SCAPER: variants seen among roughly 807,000 people sequenced by gnomAD.
The protein encoded by SCAPER is S-phase cyclin A associated protein in the ER.
A neutral mutation model predicts 182.2 loss-of-function variants in SCAPER; 98 were observed. The ratio of observed to expected loss-of-function variants is 0.54; its 90% CI spans 0.46 to 0.64. The LOEUF is 0.64. SCAPER is among the 30% of genes least tolerant of loss of function. The pLI is 0.00. For synonymous variants in SCAPER, 605 were observed against 564.6 expected (o/e 1.07, Z -1.01); for missense variants, 1,432 against 1,690.0 (o/e 0.85, Z 2.68).
At position 76,844,271 on chromosome 15, in the gene SCAPER, G is replaced by GAA. The variant is rs34092470; in HGVS notation, c.196-2342_196-2341dup. Among the ~76,000 whole-genome samples the GAA allele has an allele frequency of 2.4e-3, 305 of 125,304 alleles. 2 individuals are homozygous for GAA. The highest frequency in any genetic ancestry group is 8.0e-3 in the African/African-American group (256 of 31,976). The allele number at this position is 125,304 out of a possible 152,430, so 82.2% of individuals were successfully genotyped here. The stretch of plus-strand genomic sequence containing the variant: ...ATTTGAGAGACAAAGACAGAAAGAG[G>GAA]AAAAAAAAAAAAAAAAAGGCAGGCC... On this transcript the variant is annotated intron_variant, in intron 4 of 31. Transcript: ENST00000563290.
At chr15:76,532,666 T>C (rs72738839) in intron 23 of SCAPER, among the ~76,000 whole-genome samples, 19,904 of 152,252 alleles carry the variant, frequency 0.13, 1,632 homozygotes, top group Middle Eastern at 0.22. Context: ...AAATTCATCA[T>C]AAATTTTCTG....
chr15:76,361,069 G>A (rs1034594943), intron 29 of SCAPER, among the ~76,000 whole-genome samples: 6 of 149,854 alleles, frequency 4.0e-5, no homozygotes, highest in African/African-American at 1.5e-4. Context: ...GAGTGATCAC[G>A]AATCTGGATT....
chr15:76,624,496 T>C (rs1244253540), intron 21 of SCAPER, among the ~76,000 whole-genome samples: 2 of 152,248 alleles, frequency 1.3e-5, no homozygotes, highest in Non-Finnish European at 2.9e-5. Flanking sequence ...GCAGATTCAA[T>C]GCTATTCCTA....
At chr15:76,443,404 T>A (rs183762196) in intron 25 of SCAPER, among the ~76,000 whole-genome samples, 1 of 152,210 alleles carries the variant, frequency 6.6e-6, no homozygotes, top group Non-Finnish European at 1.5e-5. Context: ...AAACATCAAA[T>A]TTATGGTGAA....
intron 17 of SCAPER, among the ~76,000 whole-genome samples, chr15:76,712,982 A>C (rs1434683751): frequency 6.6e-6 from 1 of 152,154 alleles, no homozygotes; most frequent in African/African-American, 2.4e-5. Flanking sequence ...TATGTTGAAT[A>C]GGAGTGGTGA....
chr15:76,670,718 T>C (rs1042116602), intron 20 of SCAPER, among the ~76,000 whole-genome samples: 3 of 152,230 alleles, frequency 2.0e-5, no homozygotes, highest in African/African-American at 7.2e-5. Context: ...TTGGTATTAG[T>C]ATGCTTGACC....
Position 76,452,942 on chromosome 15 carries a change from T to C in SCAPER, c.3078+18270A>G, listed in dbSNP as rs183103727. On this transcript the variant is annotated intron_variant, in intron 25 of 31. Coordinates refer to ENST00000563290, the MANE Select transcript of SCAPER (RefSeq NM_020843.4). The stretch of plus-strand genomic sequence containing the variant: ...ATCTCTTGGGCCCAAGTGATCCTTC[T>C]ACTTCAGCCCAGTGAGTGGCTGGGA... Among the ~76,000 whole-genome samples the C allele has an allele frequency of 5.9e-3, 901 of 152,256 alleles. 7 individuals carry two copies. The highest frequency in any genetic ancestry group is 8.7e-3 in the Non-Finnish European group (595 of 68,010).
intron 23 of SCAPER, among the ~76,000 whole-genome samples, chr15:76,561,167 C>T (rs144643402): frequency 5.3e-5 from 8 of 152,322 alleles, no homozygotes; most frequent in African/African-American, 9.6e-5. Flanking sequence ...TGATGGAATA[C>T]TATCAGGCTG....
At chr15:76,720,283 A>G (rs1265471350) in intron 17 of SCAPER, among the ~76,000 whole-genome samples, 2 of 152,072 alleles carry the variant, frequency 1.3e-5, no homozygotes, top group Non-Finnish European at 2.9e-5. Flanking sequence ...GCTGCATAGT[A>G]TTCCATGGTG....
At chr15:76,775,878 G>A (rs1798492068) in intron 8 of SCAPER, among the ~76,000 whole-genome samples, 2 of 152,076 alleles carry the variant, frequency 1.3e-5, no homozygotes, top group Non-Finnish European at 2.9e-5. Flanking sequence ...TCTAAAATAT[G>A]ACAATGTTGA....
At chr15:76,804,298 A>G (rs182461523) in intron 6 of SCAPER, among the ~76,000 whole-genome samples, 7 of 152,350 alleles carry the variant, frequency 4.6e-5, no homozygotes, top group African/African-American at 1.4e-4. Flanking sequence ...TGAGTGGTAA[A>G]TGTGTCACAT....
chr15:76,692,727 AAAGG>A (rs2058437427), intron 20 of SCAPER, among the ~76,000 whole-genome samples: 1 of 150,664 alleles, frequency 6.6e-6, no homozygotes, highest in Non-Finnish European at 1.5e-5. Flanking sequence ...AAGGAAAAGG[AAAGG>A]AAAGGAAAGG....
At chr15:76,650,451 G>A (rs1423152611) in intron 21 of SCAPER, among the ~76,000 whole-genome samples, 1 of 151,758 alleles carries the variant, frequency 6.6e-6, no homozygotes, top group Non-Finnish European at 1.5e-5. Flanking sequence ...ATGGGAAAGG[G>A]AACAATTTGT....
intron 18 of SCAPER, 65 bp from the exon 19 acceptor site, chr15:76,703,067 A>T: frequency 6.8e-7 from 1 of 1,468,948 alleles, no homozygotes; most frequent in Non-Finnish European, 9.1e-7. Context: ...AAATTGGAAA[A>T]ATAATATTTC....
intron 22 of SCAPER, among the ~76,000 whole-genome samples, chr15:76,601,868 T>A (rs1465334146): frequency 8.2e-6 from 1 of 121,628 alleles, no homozygotes; most frequent in East Asian, 2.2e-4. Flanking sequence ...CCTTGGTATA[T>A]GTGTGAGATT....
At chr15:76,872,662 C>CTACAT (rs2072810728) in intron 2 of SCAPER, among the ~76,000 whole-genome samples, 1 of 151,108 alleles carries the variant, frequency 6.6e-6, no homozygotes, top group South Asian at 2.1e-4. Flanking sequence ...TACTATTATA[C>CTACAT]TACATTATGT....
At chr15:76,721,620 TCTC>T (rs1341950104) in intron 17 of SCAPER, among the ~76,000 whole-genome samples, 2 of 152,032 alleles carry the variant, frequency 1.3e-5, no homozygotes, top group Non-Finnish European at 2.9e-5. Context: ...GGTTTGTAGT[TCTC>T]CTTGAAGAGG....
chr15:76,499,546 T>C (rs2040906746), intron 24 of SCAPER, among the ~76,000 whole-genome samples: 1 of 152,226 alleles, frequency 6.6e-6, no homozygotes, highest in African/African-American at 2.4e-5. Context: ...TTGACTATGA[T>C]GTCCTATGAT....
chr15:76,575,480 T>C (rs1225747301), intron 22 of SCAPER, among the ~76,000 whole-genome samples: 1 of 152,236 alleles, frequency 6.6e-6, no homozygotes, highest in Non-Finnish European at 1.5e-5. Context: ...GGCCATAAAA[T>C]CTACAAGCTT....
Sources: gnomAD v4.1 joint callset for allele counts (sites outside exome capture counted in the v4.1 genomes callset) on GRCh38, gnomAD v4.1.1 for gene constraint, MANE v1.5 for transcripts, NCBI Gene and HGNC (gene_info 2026-07-23, HGNC 2026-07-21) for gene names.